Variants in LRRC7 observed in about 807,000 individuals in gnomAD.
LRRC7 encodes the protein leucine rich repeat containing 7.
Under a neutral mutation model 175.7 loss-of-function variants are expected in LRRC7, and 23 were observed. That is an observed-to-expected ratio of 0.13 (90% CI 0.09 to 0.19). LRRC7 has a LOEUF of 0.19. Among genes scored for constraint, LRRC7 ranks in the 10% least tolerant of loss-of-function variants. LRRC7 has a pLI of 1.00. For missense variants in LRRC7, 1,354 were observed against 1,904.7 expected (o/e 0.71, Z 5.38); for synonymous variants, 685 against 680.9 (o/e 1.01, Z -0.09).
rs1385484231 is a variant in LRRC7 at position 69,852,854 on chromosome 1, AT to A, written c.647+14572del. ...ATGAAAATGTGTTCTAAAGAAAGAA[AT>A]GATGAAGAAGTTACAGTGTATTGTA... On this transcript the variant is annotated intron_variant, in intron 7 of 26. Coordinates refer to ENST00000651989, the MANE Select transcript of LRRC7 (RefSeq NM_001370785.2). Among the ~76,000 whole-genome samples, 21 of 152,340 alleles carry A rather than the reference AT, an allele frequency of 1.4e-4. No homozygotes were observed. The East Asian group carries it at 3.7e-3, about 27-fold the overall frequency.
chr1:69,847,956 C>G lies in LRRC7; in HGVS notation c.647+9673C>G, dbSNP rs868073970. Among the ~76,000 whole-genome samples the G allele has an allele frequency of 4.6e-5, 7 of 152,254 alleles. No individual in the cohort carries two copies. In the Middle Eastern group the frequency reaches 0.01, roughly 222 times the overall value. On this transcript the variant is annotated intron_variant, in intron 7 of 26. Transcript: ENST00000651989. Reference sequence around the variant, plus strand: ...CATTTCTGGCTTCGTTGCCTCCCAACACTTTCACAATCTCACGAGGTTTCT... The same window carrying G: ...CATTTCTGGCTTCGTTGCCTCCCAAGACTTTCACAATCTCACGAGGTTTCT...
chr1:69,945,925 G>A (rs1310236054), intron 8 of LRRC7, among the ~76,000 whole-genome samples: 2 of 152,098 alleles, frequency 1.3e-5, no homozygotes, highest in African/African-American at 4.8e-5. Context: ...TCATCTGTAA[G>A]CAGAGACATT....
chr1:69,805,253 T>C (rs774471225), intron 4 of LRRC7, among the ~76,000 whole-genome samples: 3 of 151,736 alleles, frequency 2.0e-5, no homozygotes, highest in East Asian at 3.9e-4. Context: ...ACTTGAAGGA[T>C]AGGAGGCGGA....
At chr1:69,826,717 G>A (rs944184720) in intron 5 of LRRC7, among the ~76,000 whole-genome samples, 22 of 152,092 alleles carry the variant, frequency 1.4e-4, no homozygotes, top group African/African-American at 5.1e-4. Context: ...TCGATCTTTT[G>A]TCTGATGAAG....
In LRRC7 at chr1:70,027,033, C is replaced by T. The variant is rs1352798308; in HGVS notation, c.1795-1138C>T. On this transcript the variant is annotated intron_variant, in intron 17 of 26. Transcript: ENST00000651989. Reference sequence around the variant, plus strand: ...TGGGGGTGGGTGCGGATGTGCCCCTCACTCTTTCTCTCCCTTTTCCGATCT... The same window carrying T: ...TGGGGGTGGGTGCGGATGTGCCCCTTACTCTTTCTCTCCCTTTTCCGATCT... Among the ~76,000 whole-genome samples the T allele has an allele frequency of 5.3e-5, 8 of 151,456 alleles. No individual in the cohort carries two copies. In the East Asian group the frequency reaches 1.4e-3, roughly 26 times the overall value.
At chr1:69,772,860 A>C (rs1268096166) in intron 3 of LRRC7, among the ~76,000 whole-genome samples, 1 of 152,228 alleles carries the variant, frequency 6.6e-6, no homozygotes, top group Non-Finnish European at 1.5e-5. Context: ...TGTTGTCATG[A>C]AAGCCAAGAA....
chr1:69,691,517 G>T (rs953779352), intron 2 of LRRC7, among the ~76,000 whole-genome samples: 3 of 152,178 alleles, frequency 2.0e-5, no homozygotes, highest in Middle Eastern at 3.4e-3. Flanking sequence ...ATACAACTTG[G>T]CCAGGTACAG....
At chr1:70,115,252 G>A (rs2102230867) in intron 26 of LRRC7, among the ~76,000 whole-genome samples, 1 of 152,322 alleles carries the variant, frequency 6.6e-6, no homozygotes, top group East Asian at 1.9e-4. Flanking sequence ...TCCAAGACTG[G>A]ACAACCAATT....
At chr1:69,857,242 T>C (rs1444039020) in intron 7 of LRRC7, among the ~76,000 whole-genome samples, 1 of 152,116 alleles carries the variant, frequency 6.6e-6, no homozygotes, top group Non-Finnish European at 1.5e-5. Flanking sequence ...CTATTCAACA[T>C]AGTGTTGGAA....
chr1:69,905,405 C>A (rs930652608), intron 7 of LRRC7, among the ~76,000 whole-genome samples: 1 of 152,004 alleles, frequency 6.6e-6, no homozygotes, highest in Admixed American at 6.6e-5. Context: ...TATCCCTCCC[C>A]GCTCCCACCA....
chr1:70,032,520 G>T (rs1658861633), intron 18 of LRRC7, among the ~76,000 whole-genome samples: 2 of 152,026 alleles, frequency 1.3e-5, no homozygotes, highest in Non-Finnish European at 2.9e-5. Flanking sequence ...AGAATTATGT[G>T]CCAATTCCTT....
chr1:69,742,867 C>T (rs1668860109), intron 2 of LRRC7, among the ~76,000 whole-genome samples: 2 of 151,822 alleles, frequency 1.3e-5, no homozygotes, highest in Admixed American at 1.3e-4. Context: ...TCCTTTTGTA[C>T]TCAGAACAGA....
chr1:69,606,776 G>A (rs1481579379), intron 1 of LRRC7: 2 of 152,042 alleles, frequency 1.3e-5, no homozygotes, highest in African/African-American at 4.8e-5. Context: ...GGTAGGTGTA[G>A]AATGAATTGC....
At chr1:70,092,884 G>A (rs142443637) in intron 25 of LRRC7, among the ~76,000 whole-genome samples, 27 of 152,220 alleles carry the variant, frequency 1.8e-4, no homozygotes, top group African/African-American at 6.3e-4. Flanking sequence ...ATCTCATCTA[G>A]CAAACTTAAC....
intron 5 of LRRC7, among the ~76,000 whole-genome samples, chr1:69,831,490 G>T (rs913674165): frequency 3.3e-5 from 5 of 151,878 alleles, no homozygotes; most frequent in Non-Finnish European, 5.9e-5. Context: ...TGTAAACCCT[G>T]CCCTCTCCTG....
At chr1:70,025,733 G>A (rs2101987695) in intron 17 of LRRC7, among the ~76,000 whole-genome samples, 1 of 151,068 alleles carries the variant, frequency 6.6e-6, no homozygotes, top group East Asian at 2.0e-4. Flanking sequence ...TCCAAGGCCA[G>A]TAAATTCTGC....
chr1:69,882,588 G>A (rs959095104), intron 7 of LRRC7, among the ~76,000 whole-genome samples: 2 of 150,782 alleles, frequency 1.3e-5, no homozygotes, highest in Non-Finnish European at 3.0e-5. Flanking sequence ...TAACAACATG[G>A]ATGAAACTAG....
chr1:70,027,501 A>G (rs1346772054), intron 17 of LRRC7, among the ~76,000 whole-genome samples: 1 of 152,182 alleles, frequency 6.6e-6, no homozygotes, highest in African/African-American at 2.4e-5. Flanking sequence ...AAGTGGTCCC[A>G]ATTTTTAATT....
intron 1 of LRRC7, among the ~76,000 whole-genome samples, chr1:69,569,906 CAAAAAAAAAAAAAA>C (rs71071364): frequency 1.1e-5 from 1 of 87,104 alleles, no homozygotes; most frequent in African/African-American, 4.7e-5. Flanking sequence ...AAAGGAATTA[CAAAAAAAAAAAAAA>C]AAAAAAAAGC....
Sources: gnomAD v4.1 joint callset for allele counts (sites outside exome capture counted in the v4.1 genomes callset) on GRCh38, gnomAD v4.1.1 for gene constraint, MANE v1.5 for transcripts, NCBI Gene and HGNC (gene_info 2026-07-23, HGNC 2026-07-21) for gene names.